The following GALC variants were observed in gnomAD, a reference collection of about 807,000 sequenced individuals.
GALC encodes the protein galactocerebrosidase.
A neutral mutation model predicts 91.8 loss-of-function variants in GALC; 77 were observed. The observed-to-expected ratio is 0.84, with a 90% CI of 0.70 to 1.01. The LOEUF (loss-of-function observed/expected upper bound fraction) is 1.01. Among genes scored for constraint, GALC ranks in the 50% least tolerant of loss-of-function variants. The pLI is 0.00. For synonymous variants in GALC, 357 were observed against 306.7 expected, an observed-to-expected ratio of 1.16 and a Z score of -1.71; for missense variants, 882 against 855.9, an observed-to-expected ratio of 1.03 and a Z score of -0.38.
intron 4 of GALC, among the ~76,000 whole-genome samples, chr14:87,985,314 A>G (rs1336162900): frequency 1.3e-5 from 2 of 152,254 alleles, no homozygotes; most frequent in Non-Finnish European, 2.9e-5. Context: ...AAATGACAAA[A>G]TGCTTATTTT....
At chr14:87,946,190 C>G (rs928370841) in intron 13 of GALC, among the ~76,000 whole-genome samples, 1 of 151,994 alleles carries the variant, frequency 6.6e-6, no homozygotes, top group African/African-American at 2.4e-5. Flanking sequence ...TAATATCTGT[C>G]AAGCAAGGTT....
intron 6 of GALC, chr14:87,980,585 T>C: frequency 1.4e-6 from 1 of 693,360 alleles, no homozygotes; most frequent in Non-Finnish European, 1.8e-6. Flanking sequence ...TTCTTGAAGA[T>C]TCAAATTACA....
chr14:87,978,363 AGAG>A (rs1886595318), intron 6 of GALC, among the ~76,000 whole-genome samples: 1 of 152,142 alleles, frequency 6.6e-6, no homozygotes, highest in Non-Finnish European at 1.5e-5. Flanking sequence ...TTATTCTTAC[AGAG>A]AAGAGGAAGA....
rs1194627956 is a variant in GALC, at chr14:87,965,506, T to C, written c.1032A>G (p.Ser344=). ...HYVVESPVWV[S]AHTTQFTQPG... ...GTGAGAGATGGAACTGAACCATACC[T>C]GATACCCAGACAGGAGATTCTACCA... The change falls in exon 9 of 17, where the codon TCA becomes TCG. Residue 344 remains serine (S), a splice_region_variant and synonymous_variant. Coordinates refer to ENST00000261304, the MANE Select transcript of GALC (RefSeq NM_000153.4). The C allele has an allele frequency of 6.2e-7, 1 of 1,613,446 alleles. No individual in the cohort carries two copies. Among genetic ancestry groups the C allele is most frequent in the Non-Finnish European group, 8.5e-7 (1 of 1,179,528 alleles).
At chr14:87,943,990 T>C (rs1032460462) in intron 14 of GALC, among the ~76,000 whole-genome samples, 3 of 152,008 alleles carry the variant, frequency 2.0e-5, no homozygotes, top group African/African-American at 4.8e-5. Flanking sequence ...TTCAGAAAGA[T>C]GAAGGCAGGC....
chr14:87,962,944 C>A (rs1885871202), intron 10 of GALC, among the ~76,000 whole-genome samples: 1 of 152,090 alleles, frequency 6.6e-6, no homozygotes, highest in Non-Finnish European at 1.5e-5. Context: ...CTCTGTCCAC[C>A]TGTCAGACCT....
At chr14:87,945,795 A>G in intron 13 of GALC, 62 bp from the exon 14 acceptor site, 4 of 1,278,560 alleles carry the variant, frequency 3.1e-6, no homozygotes, top group Non-Finnish European at 4.5e-6. Context: ...CTCCTTGCTG[A>G]TATTTTATAG....
intron 4 of GALC, among the ~76,000 whole-genome samples, chr14:87,985,030 C>G (rs1886911932): frequency 6.6e-6 from 1 of 152,118 alleles, no homozygotes. Flanking sequence ...GTCAGGCAAT[C>G]TAATTTAGCA....
At chr14:87,984,694 C>G (rs1422071464) in intron 4 of GALC, among the ~76,000 whole-genome samples, 161 bp from the exon 5 acceptor site, 1 of 152,104 alleles carries the variant, frequency 6.6e-6, no homozygotes, top group Admixed American at 6.5e-5. Context: ...TTATTGAAAT[C>G]CTTTCCAATC....
chr14:87,955,640 G>C (rs1294264726), intron 10 of GALC, among the ~76,000 whole-genome samples: 2 of 152,082 alleles, frequency 1.3e-5, no homozygotes, highest in Non-Finnish European at 2.9e-5. Context: ...TAATGGATTA[G>C]TTTATATAAA....
chr14:87,992,931 C>G, intron 1 of GALC, 39 bp downstream of exon 1: 2 of 1,495,298 alleles, frequency 1.3e-6, no homozygotes, highest in Non-Finnish European at 1.8e-6. Flanking sequence ...GGGGCGGGCT[C>G]TTGCCGCCCC....
intron 8 of GALC, among the ~76,000 whole-genome samples, chr14:87,966,927 T>C (rs1388729373): frequency 6.6e-6 from 1 of 152,168 alleles, no homozygotes; most frequent in Admixed American, 6.6e-5. Flanking sequence ...CACATCAGTG[T>C]TTCCCAACTT....
At chr14:87,968,721 A>G (rs1211794391) in intron 7 of GALC, among the ~76,000 whole-genome samples, 1 of 152,222 alleles carries the variant, frequency 6.6e-6, no homozygotes, top group Non-Finnish European at 1.5e-5. Context: ...AACCTACAAC[A>G]GCATACAGGA....
At chr14:87,982,423 A>G (rs1224603489) in intron 5 of GALC, among the ~76,000 whole-genome samples, 180 bp from the exon 6 acceptor site, 3 of 152,198 alleles carry the variant, frequency 2.0e-5, no homozygotes, top group Non-Finnish European at 4.4e-5. Context: ...CAACTTTTTA[A>G]AAATTAAAAT....
intron 7 of GALC, among the ~76,000 whole-genome samples, chr14:87,969,762 G>GA (rs1367087575): frequency 2.0e-5 from 3 of 151,932 alleles, no homozygotes; most frequent in Admixed American, 6.6e-5. Flanking sequence ...AATCTTTTAG[G>GA]AAAAAATCCT....
intron 6 of GALC, among the ~76,000 whole-genome samples, chr14:87,979,389 C>T (rs943867500): frequency 6.6e-6 from 1 of 152,030 alleles, no homozygotes; most frequent in Non-Finnish European, 1.5e-5. Context: ...AAAAAAATGG[C>T]AAACACAAAG....
At chr14:87,976,049 C>T (rs927752172) in intron 7 of GALC, among the ~76,000 whole-genome samples, 1 of 152,146 alleles carries the variant, frequency 6.6e-6, no homozygotes, top group African/African-American at 2.4e-5. Context: ...CACAACTTTG[C>T]CTTTATAATT....
rs537461366 is a variant in GALC at position 87,993,000 on chromosome 14, G to C, written c.165C>G (p.Phe55Leu). The C allele has an allele frequency of 6.5e-5, 100 of 1,536,638 alleles. No individual in the cohort carries two copies. Among genetic ancestry groups the C allele is most frequent in the Non-Finnish European group, 8.1e-5 (93 of 1,149,946 alleles). ...LDDSDGLGRE[F>L]DGIGAVSGGG... Reference sequence around the variant, plus strand: ...CGCCGCTGACCGCGCCGATGCCGTCGAACTCCCGGCCCAGCCCGTCGGAGT... The same window carrying C: ...CGCCGCTGACCGCGCCGATGCCGTCCAACTCCCGGCCCAGCCCGTCGGAGT... Residue 55 changes from phenylalanine (F) to leucine (L), a missense_variant, in exon 1 of 17, where the codon TTC (phenylalanine) becomes TTG (leucine). Coordinates refer to ENST00000261304, the MANE Select transcript of GALC (RefSeq NM_000153.4).
At chr14:87,944,945 G>A (rs1885003749) in intron 14 of GALC, among the ~76,000 whole-genome samples, 1 of 149,500 alleles carries the variant, frequency 6.7e-6, no homozygotes, top group African/African-American at 2.5e-5. Context: ...ACACATGACA[G>A]GTGGAATAAG....
Sources: allele counts gnomAD v4.1 joint callset (sites outside exome capture counted in the v4.1 genomes callset), GRCh38; gene constraint gnomAD v4.1.1; transcripts MANE v1.5; gene names NCBI Gene and HGNC (gene_info 2026-07-23, HGNC 2026-07-21).